Variants in SDK2 observed in about 807,000 individuals in gnomAD.
SDK2 encodes the protein sidekick cell adhesion molecule 2.
In SDK2, 105 loss-of-function variants were observed where a neutral mutation model predicts 253.9. The ratio of observed to expected loss-of-function variants is 0.41; its 90% CI spans 0.35 to 0.49. SDK2 has a LOEUF of 0.49. Among genes scored for constraint, SDK2 ranks in the 20% least tolerant of loss-of-function variants. The pLI, the probability that SDK2 is intolerant of heterozygous loss-of-function variation, is 0.06. For synonymous variants in SDK2, 1,249 were observed against 1,234.9 expected, an observed-to-expected ratio of 1.01 and a Z score of -0.24; for missense variants, 2,608 against 3,003.0, an observed-to-expected ratio of 0.87 and a Z score of 3.07.
chr17:73,560,498 C>T (rs1224842576), intron 1 of SDK2, among the ~76,000 whole-genome samples: 3 of 151,786 alleles, frequency 2.0e-5, no homozygotes, highest in African/African-American at 4.8e-5. Flanking sequence ...CGCCACCATG[C>T]GCGTCTAATT....
chr17:73,414,837 A>G, intron 17 of SDK2, 78 bp from the exon 18 acceptor site: 1 of 881,184 alleles, frequency 1.1e-6, no homozygotes, highest in South Asian at 1.4e-5. Flanking sequence ...GAGAAAACGC[A>G]GGGGTGGGGG....
chr17:73,548,357 C>A (rs2044999714), intron 1 of SDK2, among the ~76,000 whole-genome samples: 2 of 152,176 alleles, frequency 1.3e-5, no homozygotes, highest in African/African-American at 4.8e-5. Context: ...GCGACCTGTG[C>A]CTCCAGAAAC....
intron 1 of SDK2, among the ~76,000 whole-genome samples, chr17:73,512,550 T>TACACAAACACACACACAC (rs2063989127): frequency 6.7e-6 from 1 of 148,880 alleles, no homozygotes; most frequent in African/African-American, 2.5e-5. Flanking sequence ...CACACACACA[T>TACACAAACACACACACAC]ACACACACAC....
At chr17:73,605,540 T>C (rs1211876423) in intron 1 of SDK2, among the ~76,000 whole-genome samples, 3 of 151,916 alleles carry the variant, frequency 2.0e-5, no homozygotes, top group Non-Finnish European at 2.9e-5. Context: ...GTGGGAGAGA[T>C]GGTAATAATG....
intron 2 of SDK2, among the ~76,000 whole-genome samples, chr17:73,499,530 C>T (rs1291703722): frequency 6.6e-6 from 1 of 152,234 alleles, no homozygotes; most frequent in African/African-American, 2.4e-5. Flanking sequence ...CTCACGCTTG[C>T]CTCTCGGAAG....
In SDK2 at chr17:73,435,769, G is replaced by T; in HGVS notation, c.1001-125C>A. 1 of 852,786 alleles carries T rather than the reference G, an allele frequency of 1.2e-6. No homozygotes were observed. The highest frequency in any genetic ancestry group is 1.8e-6 in the Non-Finnish European group (1 of 566,988). 52.8% of individuals were successfully genotyped at this position (852,786 alleles called of 1,614,324 possible). A position where few individuals can be genotyped will look rare whatever the true frequency, so the allele number is the denominator to read the frequency against. On this transcript the variant is annotated intron_variant, in intron 8 of 44. Coordinates refer to ENST00000392650, the MANE Select transcript of SDK2 (RefSeq NM_001144952.2). The surrounding 1 kb of genome is among the most constrained non-coding windows in gnomAD (Gnocchi z 5.7). ...GGTCCCTGGTGAATCTTGGTGTCTA[G>T]AACCTTCTCAGAGGTGCCACTTTGG...
intron 10 of SDK2, among the ~76,000 whole-genome samples, chr17:73,432,566 G>A (rs533418374): frequency 6.6e-6 from 1 of 152,212 alleles, no homozygotes; most frequent in East Asian, 1.9e-4. Context: ...GGAGACGGCA[G>A]TGGACAAAAC....
chr17:73,601,988 C>G (rs1387641320), intron 1 of SDK2, among the ~76,000 whole-genome samples: 1 of 152,230 alleles, frequency 6.6e-6, no homozygotes, highest in Admixed American at 6.5e-5. Flanking sequence ...AGGTGATCCG[C>G]CTGCCTTGGC....
rs1599733195 is a variant in SDK2, at chr17:73,622,420, G to A, written c.64+21605C>T. Among the ~76,000 whole-genome samples, 3 of 152,344 alleles carry A rather than the reference G, an allele frequency of 2.0e-5. 1 individual carries two copies. The highest frequency in any genetic ancestry group is 2.0e-4 in the Admixed American group (3 of 15,302). On this transcript the variant is annotated intron_variant, in intron 1 of 44. Transcript: ENST00000392650. ...AGTCCCTCCTGAACTACAGTATGAT[G>A]CTTCTGGATTCCAGAAATTAGGGCT...
In SDK2 at chr17:73,379,726, G is replaced by T. The variant is rs2062815371; in HGVS notation, c.4763-177C>A. ...AGGCGGGGCCCCCAGGGGACGCTCT[G>T]TGCCAATCTGGACATAGGGCAATGC... On this transcript the variant is annotated intron_variant, in intron 34 of 44. Coordinates refer to ENST00000392650, the MANE Select transcript of SDK2 (RefSeq NM_001144952.2). This position sits in a 1 kb window ranked among gnomAD's most constrained non-coding sequence, Gnocchi z 4.5. Among the ~76,000 whole-genome samples the T allele has an allele frequency of 6.6e-6, 1 of 152,148 alleles. No homozygotes were observed. Among genetic ancestry groups the T allele is most frequent in the Admixed American group, 6.5e-5 (1 of 15,278 alleles).
At chr17:73,346,407 A>ATT (rs202087594) in intron 44 of SDK2, among the ~76,000 whole-genome samples, 52 of 146,676 alleles carry the variant, frequency 3.5e-4, no homozygotes, top group Admixed American at 6.1e-4. Flanking sequence ...AAGTATATAC[A>ATT]TTTTTTTTTT....
intron 1 of SDK2, among the ~76,000 whole-genome samples, chr17:73,568,218 G>A (rs898289697): frequency 4.6e-5 from 7 of 152,130 alleles, no homozygotes; most frequent in Non-Finnish European, 7.4e-5. Flanking sequence ...GTTTAAAGGA[G>A]GCTGGCACCT....
chr17:73,542,798 C>G (rs1447656248), intron 1 of SDK2, among the ~76,000 whole-genome samples: 1 of 152,070 alleles, frequency 6.6e-6, no homozygotes, highest in Non-Finnish European at 1.5e-5. Context: ...ATTTGGTGGC[C>G]CTCTTTAAGA....
intron 28 of SDK2, 91 bp downstream of exon 28, chr17:73,391,349 C>G: frequency 1.6e-6 from 1 of 620,388 alleles, no homozygotes; most frequent in Non-Finnish European, 2.4e-6. Flanking sequence ...TGGACCTACT[C>G]TCCCTCAAGC....
At position 73,338,164 on chromosome 17, in the gene SDK2, G is replaced by A. The variant is rs2062397085; in HGVS notation, c.*423C>T. 6.1e-6 allele frequency: 2 copies of A among 329,756 alleles called. No individual in the cohort carries two copies. The highest frequency in any genetic ancestry group is 8.6e-5 in the East Asian group (1 of 11,594). 20.4% of individuals were successfully genotyped at this position (329,756 alleles called of 1,614,324 possible). A position where few individuals can be genotyped will look rare whatever the true frequency, so the allele number is the denominator to read the frequency against. ...AGAGAGCAGCGGCAGTGGGTCCAGG[G>A]GTCCTGGAGGGGCTGGAAGGGGGCA... On this transcript the variant is annotated 3_prime_UTR_variant, in exon 45 of 45. Coordinates refer to ENST00000392650, the MANE Select transcript of SDK2 (RefSeq NM_001144952.2). The surrounding 1 kb of genome is among the most constrained non-coding windows in gnomAD (Gnocchi z 5.0).
At position 73,511,204 on chromosome 17, in the gene SDK2, C is replaced by T. The variant is rs896816896; in HGVS notation, c.65-3607G>A. Among the ~76,000 whole-genome samples, 11 of 152,256 alleles carry T rather than the reference C, an allele frequency of 7.2e-5. No individual in the cohort carries two copies. Among genetic ancestry groups the T allele is most frequent in the Middle Eastern group, 3.2e-3 (1 of 316 alleles). ...AACCCTCTGTTCATTGCTGTCATCA[C>T]TCGTTTGTTTTAAAACAATAACGAT... On this transcript the variant is annotated intron_variant, in intron 1 of 44. Transcript: ENST00000392650. The surrounding 1 kb of genome is among the most constrained non-coding windows in gnomAD (Gnocchi z 4.9).
rs755509014 is a variant in SDK2, at chr17:73,395,481, C to T, written c.3355-89G>A. On this transcript the variant is annotated intron_variant, in intron 24 of 44. Transcript: ENST00000392650. This position sits in a 1 kb window ranked among gnomAD's most constrained non-coding sequence, Gnocchi z 4.3. ...TGCCCTGCTACCCTCTCCTCCAGGG[C>T]GCCTTCAGGGCTATCCATCCCACTG... is the stretch of plus-strand genomic sequence containing the variant. 3.9e-5 allele frequency: 42 copies of T among 1,066,596 alleles called. No individual in the cohort carries two copies. Among genetic ancestry groups the T allele is most frequent in the South Asian group, 1.4e-4 (10 of 69,092 alleles). 66.1% of individuals were successfully genotyped at this position (1,066,596 alleles called of 1,614,324 possible). A position where few individuals can be genotyped will look rare whatever the true frequency, so the allele number is the denominator to read the frequency against.
intron 1 of SDK2, among the ~76,000 whole-genome samples, chr17:73,545,099 GCACACACACA>G (rs58966207): frequency 2.1e-5 from 3 of 145,716 alleles, no homozygotes; most frequent in East Asian, 2.0e-4. Flanking sequence ...GCACGTGCAC[GCACACACACA>G]CACACACACA....
At chr17:73,396,302 G>A (rs2062970325) in intron 24 of SDK2, among the ~76,000 whole-genome samples, 1 of 152,166 alleles carries the variant, frequency 6.6e-6, no homozygotes, top group Non-Finnish European at 1.5e-5. Flanking sequence ...GTGCTGGTGA[G>A]AGTGGAGGTG....
Sources: allele counts gnomAD v4.1 joint callset (sites outside exome capture counted in the v4.1 genomes callset), GRCh38; gene constraint gnomAD v4.1.1; non-coding constraint Gnocchi (gnomAD v3.1); transcripts MANE v1.5; gene names NCBI Gene and HGNC (gene_info 2026-07-23, HGNC 2026-07-21).